The following MYO3A variants were observed in gnomAD, a reference collection of about 807,000 sequenced individuals.
MYO3A encodes the protein myosin IIIA, also known as myosin-IIIa.
A neutral mutation model predicts 192.7 loss-of-function variants in MYO3A; 180 were observed. The observed-to-expected ratio is 0.93, with a 90% confidence interval of 0.83 to 1.06. The LOEUF is 1.06. Ranked by LOEUF, MYO3A falls within the 50% of genes least tolerant of loss-of-function variation. The pLI, the probability that MYO3A is intolerant of heterozygous loss-of-function variation, is 0.00. For missense variants in MYO3A, 1,896 were observed against 1,905.0 expected, an observed-to-expected ratio of 1.00 and a Z score of 0.09; for synonymous variants, 628 against 645.3, an observed-to-expected ratio of 0.97 and a Z score of 0.41.
chr10:26,154,009 T>A, intron 24 of MYO3A, 80 bp downstream of exon 24: 2 of 1,043,352 alleles, frequency 1.9e-6, no homozygotes, highest in Non-Finnish European at 3.0e-6. Context: ...CTTCTCAAAG[T>A]CAACAGTTTT....
chr10:26,201,316 C>A lies in MYO3A; in HGVS notation c.4586+11C>A. The A allele has an allele frequency of 6.4e-7, 1 of 1,560,654 alleles. No individual in the cohort carries two copies. The highest frequency in any genetic ancestry group is 8.8e-7 in the Non-Finnish European group (1 of 1,138,880). On this transcript the variant is annotated intron_variant, in intron 33 of 34. Coordinates refer to ENST00000642920, the MANE Select transcript of MYO3A (RefSeq NM_017433.5). ...ACCAAGGAAAGACAGGTAATTATTA[C>A]TTCTGGATTTCAATCAGTCATCTTA...
rs118082782 is a variant in MYO3A at position 26,150,450 on chromosome 10, T to C, written c.2635+2891T>C. 6.6e-4 allele frequency among the ~76,000 whole-genome samples: 100 copies of C among 152,338 alleles called. 2 individuals are homozygous for C. In the East Asian group the frequency reaches 0.016, roughly 25 times the overall value. On this transcript the variant is annotated intron_variant, in intron 23 of 34. Transcript: ENST00000642920. Reference sequence around the variant, plus strand: ...TGTAGAATTCACCAATGAAGCCAACTGGGCCTGAAGGATGTTTTGTGAGGT... The same window carrying C: ...TGTAGAATTCACCAATGAAGCCAACCGGGCCTGAAGGATGTTTTGTGAGGT...
intron 6 of MYO3A, among the ~76,000 whole-genome samples, chr10:26,008,567 G>T (rs899243784): frequency 5.3e-5 from 8 of 150,362 alleles, no homozygotes; most frequent in African/African-American, 1.7e-4. Flanking sequence ...AGTGGGCGAA[G>T]GATATGAACA....
At chr10:26,019,634 T>G (rs1405109274) in intron 7 of MYO3A, among the ~76,000 whole-genome samples, 1 of 152,186 alleles carries the variant, frequency 6.6e-6, no homozygotes, top group Non-Finnish European at 1.5e-5. Flanking sequence ...TTAAATAAAT[T>G]GAGTCATACA....
chr10:26,157,675 C>T (rs1328257998), intron 26 of MYO3A, among the ~76,000 whole-genome samples, 160 bp downstream of exon 26: 1 of 152,282 alleles, frequency 6.6e-6, no homozygotes, highest in Admixed American at 6.5e-5. Flanking sequence ...TAGCTATTAA[C>T]TGAGGCTGAA....
At chr10:25,975,940 A>G (rs1022100610) in intron 4 of MYO3A, among the ~76,000 whole-genome samples, 2 of 152,236 alleles carry the variant, frequency 1.3e-5, no homozygotes. Flanking sequence ...TACCCACCCA[A>G]TTTAAAGGTA....
At chr10:26,129,044 C>T (rs187135370) in intron 20 of MYO3A, among the ~76,000 whole-genome samples, 2 of 152,220 alleles carry the variant, frequency 1.3e-5, no homozygotes, top group East Asian at 3.9e-4. Flanking sequence ...AAAAATATTC[C>T]TCCTTAGAGA....
At chr10:26,191,791 A>C (rs996805823) in intron 31 of MYO3A, among the ~76,000 whole-genome samples, 2 of 152,240 alleles carry the variant, frequency 1.3e-5, no homozygotes, top group African/African-American at 4.8e-5. Flanking sequence ...CTTGCCAGTC[A>C]CAGTTGTTTA....
At chr10:26,082,663 C>G (rs1187457760) in intron 14 of MYO3A, among the ~76,000 whole-genome samples, 2 of 152,102 alleles carry the variant, frequency 1.3e-5, no homozygotes, top group African/African-American at 4.8e-5. Flanking sequence ...ATAAATTAGG[C>G]ACAATAAGAG....
At chr10:25,985,255 A>AAG (rs1554794860) in intron 4 of MYO3A, among the ~76,000 whole-genome samples, 3,085 of 147,478 alleles carry the variant, frequency 0.021, 166 homozygotes, top group African/African-American at 0.075. Flanking sequence ...AAAAAAAAAA[A>AAG]AAATTCTGAA....
chr10:26,147,997 A>T (rs1386790233), intron 23 of MYO3A, among the ~76,000 whole-genome samples: 6 of 152,172 alleles, frequency 3.9e-5, no homozygotes, highest in Admixed American at 6.5e-5. Flanking sequence ...GAAAAAATAT[A>T]GTTTGGGTTG....
At chr10:26,063,528 A>G (rs953811498) in intron 10 of MYO3A, among the ~76,000 whole-genome samples, 2 of 152,164 alleles carry the variant, frequency 1.3e-5, no homozygotes, top group East Asian at 1.9e-4. Context: ...TGAATGTCCA[A>G]TTGTTCCAGC....
At chr10:25,958,705 T>A (rs1837723383) in intron 4 of MYO3A, among the ~76,000 whole-genome samples, 2 of 152,216 alleles carry the variant, frequency 1.3e-5, no homozygotes, top group South Asian at 4.1e-4. Flanking sequence ...TAAATGACAT[T>A]GATTCTTCCT....
At chr10:26,078,679 CT>C (rs1025915094) in intron 14 of MYO3A, among the ~76,000 whole-genome samples, 7 of 152,002 alleles carry the variant, frequency 4.6e-5, no homozygotes, top group Admixed American at 3.9e-4. Flanking sequence ...ACCGCCTTTG[CT>C]GTATACTAGA....
intron 31 of MYO3A, among the ~76,000 whole-genome samples, chr10:26,181,611 A>G (rs1842620628): frequency 6.6e-6 from 1 of 151,954 alleles, no homozygotes; most frequent in Non-Finnish European, 1.5e-5. Context: ...CTCTAGGAGT[A>G]AAAAAAATAA....
intron 4 of MYO3A, among the ~76,000 whole-genome samples, chr10:25,990,163 G>T (rs1307177648): frequency 1.3e-5 from 2 of 152,102 alleles, no homozygotes; most frequent in Non-Finnish European, 1.5e-5. Context: ...CCCCTACCAT[G>T]TTCCTTCCTC....
chr10:26,191,616 C>T (rs368127073), intron 31 of MYO3A, among the ~76,000 whole-genome samples: 3 of 152,198 alleles, frequency 2.0e-5, no homozygotes, highest in African/African-American at 7.2e-5. Flanking sequence ...ATTAGCTGAT[C>T]TCCTTTGTCA....
At chr10:26,154,008 G>C in intron 24 of MYO3A, 79 bp downstream of exon 24, 1 of 1,048,406 alleles carries the variant, frequency 9.5e-7, no homozygotes, top group Non-Finnish European at 1.5e-6. Flanking sequence ...GCTTCTCAAA[G>C]TCAACAGTTT....
At chr10:26,034,360 T>A (rs1842932789) in intron 10 of MYO3A, among the ~76,000 whole-genome samples, 4 of 152,174 alleles carry the variant, frequency 2.6e-5, no homozygotes, top group Admixed American at 2.6e-4. Flanking sequence ...TCCCAACCCC[T>A]GCCTTGGACT....
Sources: allele counts gnomAD v4.1 joint callset (sites outside exome capture counted in the v4.1 genomes callset), GRCh38; gene constraint gnomAD v4.1.1; transcripts MANE v1.5; gene names NCBI Gene and HGNC (gene_info 2026-07-23, HGNC 2026-07-21).